Variants in DNASE1 observed in about 807,000 individuals in gnomAD.
The protein encoded by DNASE1 is deoxyribonuclease 1.
Under a neutral mutation model 33.9 loss-of-function variants are expected in DNASE1, and 40 were observed. The observed-to-expected ratio is 1.18, with a 90% CI of 0.92 to 1.54. The LOEUF (loss-of-function observed/expected upper bound fraction) is 1.54. Ranked by LOEUF, DNASE1 falls within the 40% of genes most tolerant of loss-of-function variation. The probability of loss-of-function intolerance (pLI) is 0.00; values close to 1 mark genes in which losing one functional copy is unlikely to be tolerated. For synonymous variants in DNASE1, 216 were observed against 160.0 expected, an observed-to-expected ratio of 1.35 and a Z score of -2.64; for missense variants, 518 against 372.6, an observed-to-expected ratio of 1.39 and a Z score of -3.21.
At chr16:3,654,613 G>A (rs755279002), upstream of DNASE1, 4 of 382,442 alleles carry the variant, frequency 1.0e-5, no homozygotes, top group Admixed American at 4.5e-5. Flanking sequence ...GCCACCACAC[G>A]TGCAAGGGAC....
chr16:3,639,282 C>G (rs1039060470), upstream of DNASE1, among the ~76,000 whole-genome samples: 14 of 152,202 alleles, frequency 9.2e-5, no homozygotes, highest in South Asian at 1.9e-3. Flanking sequence ...TTGCTTACAG[C>G]TGTCTGTGAC....
chr16:3,663,222 GCAGGAGCACTGGA>G (rs1567222161), exon 10 of DNASE1: 1 of 716,054 alleles, frequency 1.4e-6, no homozygotes, highest in Non-Finnish European at 2.3e-6. Flanking sequence ...AGCCACCGTG[GCAGGAGCACTGGA>G]CAGACCCCTG....
At chr16:3,663,020 T>C (rs2043173469), downstream of DNASE1, 4 of 1,432,076 alleles carry the variant, frequency 2.8e-6, no homozygotes, top group Non-Finnish European at 3.8e-6. Context: ...ACTCCCCGGC[T>C]TCCATGGGGG....
intron 1 of DNASE1, among the ~76,000 whole-genome samples, chr16:3,644,111 A>G (rs2042101236): frequency 6.6e-6 from 1 of 152,234 alleles, no homozygotes; most frequent in Non-Finnish European, 1.5e-5. Context: ...CATAAAAAAT[A>G]TAATGGAAGT....
At chr16:3,624,447 C>G (rs1331037140) in intron 1 of DNASE1, among the ~76,000 whole-genome samples, 1 of 152,158 alleles carries the variant, frequency 6.6e-6, no homozygotes, top group African/African-American at 2.4e-5. Context: ...GGGTTAGCGT[C>G]CCTTATGCCG....
downstream of DNASE1, chr16:3,661,704 T>C (rs562430169): frequency 1.4e-5 from 5 of 364,616 alleles, no homozygotes; most frequent in Admixed American, 4.6e-5. Flanking sequence ...AAACTGAGCA[T>C]GTCCAGGACA....
At chr16:3,626,995 C>G (rs2151170781) in intron 1 of DNASE1, among the ~76,000 whole-genome samples, 1 of 151,946 alleles carries the variant, frequency 6.6e-6, no homozygotes, top group South Asian at 2.1e-4. Flanking sequence ...CCTCCGTCTT[C>G]TGAGGAGCTG....
At chr16:3,664,776 C>T in exon 10 of DNASE1, 1 of 301,036 alleles carries the variant, frequency 3.3e-6, no homozygotes, top group Non-Finnish European at 6.2e-6. Flanking sequence ...CCAGCGTCTT[C>T]CCTCTGCCCT....
At chr16:3,658,309 C>G, downstream of DNASE1, 1 of 1,193,788 alleles carries the variant, frequency 8.4e-7, no homozygotes, top group Non-Finnish European at 1.2e-6. Flanking sequence ...CAGAGTCTCA[C>G]TGTTGCCGAG....
intron 1 of DNASE1, among the ~76,000 whole-genome samples, chr16:3,616,973 A>G (rs1335477938): frequency 1.3e-5 from 2 of 152,172 alleles, no homozygotes; most frequent in Non-Finnish European, 2.9e-5. Context: ...CCCTTACCTC[A>G]TATCATGTAC....
rs1196953981 is a variant in DNASE1, at chr16:3,628,801, C to T, written c.-1358-11914C>T. ...GTCTCGATCTCCTGACCTCGTGATC[C>T]GCCCGCCTCAGCTTCCCAAAGTGCT... On this transcript the variant is annotated intron_variant and NMD_transcript_variant, in intron 1 of 11. Coordinates refer to the DNASE1 transcript ENST00000570769. Among the ~76,000 whole-genome samples the T allele has an allele frequency of 7.4e-5, 11 of 148,014 alleles. No homozygotes were observed. In the South Asian group the frequency reaches 2.1e-3, roughly 29 times the overall value.
At chr16:3,640,903 A>C (rs1038031261), upstream of DNASE1, 1 of 398,358 alleles carries the variant, frequency 2.5e-6, no homozygotes, top group Admixed American at 4.4e-5. Context: ...CCCGTCACCC[A>C]TGAGCTCTCA....
chr16:3,661,622 AC>A (rs1176227429), downstream of DNASE1: 3 of 215,192 alleles, frequency 1.4e-5, no homozygotes, highest in African/African-American at 6.8e-5. Flanking sequence ...TGCATGGGCA[AC>A]CCTCATGCCA....
At chr16:3,613,739 C>A (rs1393246520) in intron 1 of DNASE1, among the ~76,000 whole-genome samples, 3 of 151,856 alleles carry the variant, frequency 2.0e-5, no homozygotes, top group Non-Finnish European at 2.9e-5. Flanking sequence ...GAAATAATTT[C>A]TCTTTCCTTC....
At chr16:3,634,840 A>C (rs552000190) in intron 1 of DNASE1, among the ~76,000 whole-genome samples, 1 of 152,072 alleles carries the variant, frequency 6.6e-6, no homozygotes, top group South Asian at 2.1e-4. Flanking sequence ...TAATAGAGTC[A>C]GAGTGTTACT....
downstream of DNASE1, chr16:3,658,110 C>A: frequency 6.2e-7 from 1 of 1,613,064 alleles, no homozygotes; most frequent in Non-Finnish European, 8.5e-7. Context: ...TGGTGTCAGT[C>A]CTTCTGGCCC....
intron 1 of DNASE1, among the ~76,000 whole-genome samples, chr16:3,621,814 A>G (rs1018230757): frequency 6.6e-6 from 1 of 152,194 alleles, no homozygotes; most frequent in Non-Finnish European, 1.5e-5. Context: ...ATATACTTTT[A>G]TGCAGATTTG....
downstream of DNASE1, chr16:3,662,308 G>A: frequency 1.3e-6 from 1 of 749,884 alleles, no homozygotes; most frequent in Non-Finnish European, 2.1e-6. Flanking sequence ...GCCCTGAGCT[G>A]ATGCCCCACG....
In DNASE1 at chr16:3,657,416, G is replaced by A. The variant is rs1596658824; in HGVS notation, c.704+75G>A. On this transcript the variant is annotated intron_variant, in intron 7 of 8. Transcript: ENST00000246949. Reference sequence around the variant, plus strand: ...GCCGTGACTCATAGGTCGGGCTTCAGAAGCCTCAAAGCCTTTGAACACTCA... The same window carrying A: ...GCCGTGACTCATAGGTCGGGCTTCAAAAGCCTCAAAGCCTTTGAACACTCA... 5 of 1,575,190 alleles carry A rather than the reference G, an allele frequency of 3.2e-6. No individual in the cohort carries two copies. The East Asian group carries it at 1.1e-4, about 36-fold the overall frequency.
Sources: allele counts gnomAD v4.1 joint callset (sites outside exome capture counted in the v4.1 genomes callset), GRCh38; gene constraint gnomAD v4.1.1; transcripts MANE v1.5; gene names NCBI Gene and HGNC (gene_info 2026-07-23, HGNC 2026-07-21).